The following GTF2F2 variants were observed in gnomAD, a reference collection of about 807,000 sequenced individuals.
GTF2F2 encodes the protein ATP-dependent helicase GTF2F2.
In GTF2F2, 23 loss-of-function variants were observed where a neutral mutation model predicts 42.2. The ratio of observed to expected loss-of-function variants is 0.55; its 90% CI spans 0.39 to 0.77. The LOEUF (loss-of-function observed/expected upper bound fraction) is 0.77, where lower values mean the gene tolerates loss of function less well. GTF2F2 is among the 30% of genes least tolerant of loss of function. The pLI is 0.00. For missense variants in GTF2F2, 261 were observed against 287.2 expected, an observed-to-expected ratio of 0.91 and a Z score of 0.66; for synonymous variants, 105 against 100.8, an observed-to-expected ratio of 1.04 and a Z score of -0.25.
Position 45,207,005 on chromosome 13 carries a change from A to ACACACAC in GTF2F2, c.305-419_305-418insCACACAC, listed in dbSNP as rs1873440744. ...CTTGAGAATTTTATTCACATACACA[A>ACACACAC]ACACACACACACACACACACACACA... On this transcript the variant is annotated intron_variant, in intron 4 of 7. Transcript: ENST00000340473. The ACACACAC allele has an allele frequency of 1.9e-4, 26 of 139,296 alleles. No homozygotes were observed. The South Asian group carries it at 3.1e-3, about 17-fold the overall frequency. The allele number at this position is 139,296 out of a possible 1,614,324, so 8.6% of individuals were successfully genotyped here. A position where few individuals can be genotyped will look rare whatever the true frequency, so the allele number is the denominator to read the frequency against.
intron 4 of GTF2F2, among the ~76,000 whole-genome samples, chr13:45,203,206 A>G (rs1873278040): frequency 6.6e-6 from 1 of 150,760 alleles, no homozygotes; most frequent in Admixed American, 6.6e-5. Context: ...CCTCCCAAAT[A>G]GCTAGGACTA....
In GTF2F2 at chr13:45,283,438, T is replaced by G. The variant is rs1877344965; in HGVS notation, c.631-4T>G. ...ATTTGTTAGGGGTTTTGTTTTTGTT[T>G]TAGGTGTACCTGAAGGAAATCTTAA... On this transcript the variant is annotated splice_region_variant and splice_polypyrimidine_tract_variant and intron_variant, in intron 7 of 7. Coordinates refer to ENST00000340473, the MANE Select transcript of GTF2F2 (RefSeq NM_004128.3). The G allele has an allele frequency of 6.2e-7, 1 of 1,606,262 alleles. No individual in the cohort carries two copies. The highest frequency in any genetic ancestry group is 8.5e-7 in the Non-Finnish European group (1 of 1,176,868).
intron 5 of GTF2F2, among the ~76,000 whole-genome samples, chr13:45,212,459 C>CTTTTCTTTTCTTTTCTTTTCTTTTCT (rs55758635): frequency 0.053 from 4,231 of 79,140 alleles, 345 homozygotes; most frequent in Non-Finnish European, 0.068. Context: ...TTCTTTCTTT[C>CTTTTCTTTTCTTTTCTTTTCTTTTCT]TTTCTTTCTT....
intron 1 of GTF2F2, among the ~76,000 whole-genome samples, 184 bp downstream of exon 1, chr13:45,120,905 C>T (rs933063280): frequency 6.6e-6 from 1 of 152,166 alleles, no homozygotes; most frequent in Non-Finnish European, 1.5e-5. Flanking sequence ...AGTTTAGGGA[C>T]GCAAAGTGTC....
intron 1 of GTF2F2, among the ~76,000 whole-genome samples, chr13:45,126,466 G>C (rs567541946): frequency 6.6e-6 from 1 of 152,080 alleles, no homozygotes; most frequent in African/African-American, 2.4e-5. Context: ...TAGCCAGGAT[G>C]GTCTCAAACT....
At chr13:45,229,108 C>G (rs1874534704) in intron 5 of GTF2F2, among the ~76,000 whole-genome samples, 1 of 151,986 alleles carries the variant, frequency 6.6e-6, no homozygotes, top group African/African-American at 2.4e-5. Flanking sequence ...GTCTTGAACT[C>G]CTGACCTCAG....
intron 4 of GTF2F2, among the ~76,000 whole-genome samples, chr13:45,185,582 A>G (rs1365457559): frequency 6.6e-6 from 1 of 152,220 alleles, no homozygotes; most frequent in South Asian, 2.1e-4. Flanking sequence ...GTAACAATGT[A>G]TTATATACTT....
At chr13:45,225,709 C>A (rs1285145796) in intron 5 of GTF2F2, among the ~76,000 whole-genome samples, 1 of 151,932 alleles carries the variant, frequency 6.6e-6, no homozygotes, top group African/African-American at 2.4e-5. Context: ...AAAATATTTC[C>A]ACCCAAGTAC....
rs188875875 is a variant in GTF2F2, at chr13:45,148,150, G to A, written c.141-1620G>A. Reference sequence around the variant, plus strand: ...TGAGCTAGTGAATGAAGGCAGGTTGGAACCAAACTGAACGTTATGGAGAAA... The same window carrying A: ...TGAGCTAGTGAATGAAGGCAGGTTGAAACCAAACTGAACGTTATGGAGAAA... On this transcript the variant is annotated intron_variant, in intron 2 of 7. Transcript: ENST00000340473. Among the ~76,000 whole-genome samples the A allele has an allele frequency of 2.2e-3, 330 of 152,280 alleles. 1 individual carries two copies. The highest frequency in any genetic ancestry group is 7.7e-3 in the African/African-American group (319 of 41,542).
At position 45,139,803 on chromosome 13, in the gene GTF2F2, G is replaced by A. The variant is rs569593210; in HGVS notation, c.140+2997G>A. The stretch of plus-strand genomic sequence containing the variant: ...GTCTAGAACAATGCTTGGCATAGTA[G>A]ACACTGTGTTCTAAAGTTAGGTGGG... On this transcript the variant is annotated intron_variant, in intron 2 of 7. Coordinates refer to ENST00000340473, the MANE Select transcript of GTF2F2 (RefSeq NM_004128.3). Among the ~76,000 whole-genome samples, 4 of 152,280 alleles carry A rather than the reference G, an allele frequency of 2.6e-5. No homozygotes were observed. The East Asian group carries it at 7.7e-4, about 29-fold the overall frequency.
chr13:45,220,364 C>A (rs1019349170), intron 5 of GTF2F2, among the ~76,000 whole-genome samples: 2 of 152,100 alleles, frequency 1.3e-5, no homozygotes, highest in Non-Finnish European at 2.9e-5. Flanking sequence ...GCAACCAGAT[C>A]TTATGTTTCT....
At chr13:45,125,914 C>G (rs1449220242) in intron 1 of GTF2F2, among the ~76,000 whole-genome samples, 1 of 152,102 alleles carries the variant, frequency 6.6e-6, no homozygotes, top group African/African-American at 2.4e-5. Flanking sequence ...TCCACAGGAG[C>G]CCTCCAGAGC....
intron 4 of GTF2F2, among the ~76,000 whole-genome samples, chr13:45,155,758 G>A (rs890730872): frequency 1.6e-4 from 24 of 152,044 alleles, no homozygotes; most frequent in Non-Finnish European, 3.2e-4. Flanking sequence ...AATTCAAAAT[G>A]ATCTATTAAT....
chr13:45,261,668 G>A (rs1048812631), intron 6 of GTF2F2, among the ~76,000 whole-genome samples: 2 of 152,108 alleles, frequency 1.3e-5, no homozygotes, highest in African/African-American at 2.4e-5. Context: ...CTGCCAACAA[G>A]TTAGATATCT....
chr13:45,186,125 C>T (rs1351869867), intron 4 of GTF2F2, among the ~76,000 whole-genome samples: 1 of 151,774 alleles, frequency 6.6e-6, no homozygotes, highest in East Asian at 1.9e-4. Context: ...CAGGCATGCG[C>T]CACCATGCCC....
At position 45,255,521 on chromosome 13, in the gene GTF2F2, G is replaced by A. The variant is rs183423987; in HGVS notation, c.486+2551G>A. On this transcript the variant is annotated intron_variant, in intron 6 of 7. Transcript: ENST00000340473. ...GCTTTAGGAGGAAAATAAACTAAAG[G>A]ACAGGTAAGGTTTCAGATGATCCAG... Among the ~76,000 whole-genome samples the A allele has an allele frequency of 2.2e-4, 33 of 152,276 alleles. 1 individual carries two copies. The highest frequency in any genetic ancestry group is 6.7e-4 in the African/African-American group (28 of 41,560).
chr13:45,146,666 A>G (rs1035310666), intron 2 of GTF2F2, among the ~76,000 whole-genome samples: 7 of 152,234 alleles, frequency 4.6e-5, no homozygotes, highest in African/African-American at 1.7e-4. Context: ...GACATGATTA[A>G]TACAAATTAA....
chr13:45,275,198 T>TG (rs1876979877), intron 7 of GTF2F2, among the ~76,000 whole-genome samples: 1 of 152,210 alleles, frequency 6.6e-6, no homozygotes, highest in East Asian at 1.9e-4. Flanking sequence ...ATCCATGTTG[T>TG]GGCACACATC....
At chr13:45,153,765 G>T (rs1166865566) in intron 4 of GTF2F2, among the ~76,000 whole-genome samples, 1 of 151,926 alleles carries the variant, frequency 6.6e-6, no homozygotes, top group Admixed American at 6.6e-5. Flanking sequence ...ATCACCTGAG[G>T]CCAGGAGTCC....
Sources: allele counts gnomAD v4.1 joint callset (sites outside exome capture counted in the v4.1 genomes callset), GRCh38; gene constraint gnomAD v4.1.1; transcripts MANE v1.5; gene names NCBI Gene and HGNC (gene_info 2026-07-23, HGNC 2026-07-21).